CARD8: variants seen among roughly 807,000 people sequenced by gnomAD.
The protein encoded by CARD8 is caspase recruitment domain-containing protein 8.
Under a neutral mutation model 53.2 loss-of-function variants are expected in CARD8, and 38 were observed. The observed-to-expected ratio is 0.71, with a 90% CI of 0.55 to 0.94. The LOEUF (loss-of-function observed/expected upper bound fraction) is 0.94. CARD8 is among the 40% of genes least tolerant of loss of function. CARD8 has a pLI of 0.00. For missense variants in CARD8, 561 were observed against 655.5 expected (o/e 0.86, Z 1.57); for synonymous variants, 245 against 244.9 (o/e 1.00, Z 0.00).
chr19:48,232,373 A>AAT, intron 7 of CARD8, 80 bp downstream of exon 7: 1 of 1,324,872 alleles, frequency 7.5e-7, no homozygotes, highest in South Asian at 1.3e-5. Context: ...AAAGACTCTA[A>AAT]ATTGTCTTCT....
intron 10 of CARD8, among the ~76,000 whole-genome samples, chr19:48,225,865 C>T (rs910415239): frequency 2.6e-5 from 4 of 152,128 alleles, no homozygotes; most frequent in Admixed American, 1.3e-4. Context: ...CCAGCCTGAC[C>T]AATATGGTGA....
At chr19:48,246,856 T>A (rs1341005246) in intron 3 of CARD8, among the ~76,000 whole-genome samples, 1 of 152,084 alleles carries the variant, frequency 6.6e-6, no homozygotes, top group African/African-American at 2.4e-5. Flanking sequence ...CTGATGGGAG[T>A]GTCACCTGCT....
rs71334279 is a variant in CARD8, at chr19:48,252,808, TACAC to T, written c.-251-2965_-251-2962del. On this transcript the variant is annotated intron_variant, in intron 1 of 13. Transcript: ENST00000651546. ...CCACCGCACTGGCCTTATCAGTATA[TACAC>T]ACACACACACACACACACACACACA... Among the ~76,000 whole-genome samples, 1,206 of 148,288 alleles carry T rather than the reference TACAC, an allele frequency of 8.1e-3. 11 individuals are homozygous for T. The highest frequency in any genetic ancestry group is 0.014 in the Middle Eastern group (4 of 290).
intron 1 of CARD8, among the ~76,000 whole-genome samples, chr19:48,253,242 T>C (rs1270317177): frequency 6.6e-6 from 1 of 152,090 alleles, no homozygotes; most frequent in Non-Finnish European, 1.5e-5. Flanking sequence ...TGCATCACCA[T>C]GCCTGGCTAA....
chr19:48,221,473 G>A (rs903524574), intron 11 of CARD8, among the ~76,000 whole-genome samples: 1 of 152,124 alleles, frequency 6.6e-6, no homozygotes, highest in African/African-American at 2.4e-5. Context: ...ACAGGGAAAT[G>A]GAAATTTCAG....
intron 3 of CARD8, among the ~76,000 whole-genome samples, chr19:48,244,087 T>C (rs1027856012): frequency 1.3e-5 from 2 of 151,860 alleles, no homozygotes; most frequent in Admixed American, 1.3e-4. Context: ...TTACACAGAA[T>C]TTATGTAAAT....
intron 10 of CARD8, among the ~76,000 whole-genome samples, chr19:48,229,756 G>A (rs905726399): frequency 6.6e-6 from 1 of 152,196 alleles, no homozygotes; most frequent in Non-Finnish European, 1.5e-5. Flanking sequence ...TACTGAACAG[G>A]AGGAGGGTTA....
intron 7 of CARD8, chr19:48,232,225 G>A: frequency 1.7e-6 from 1 of 600,388 alleles, no homozygotes; most frequent in South Asian, 2.0e-5. Context: ...AGGCCCTGCT[G>A]CTGTCCCCAG....
At chr19:48,240,919 G>C (rs948256935) in intron 4 of CARD8, 43 bp downstream of exon 4, 3 of 1,449,284 alleles carry the variant, frequency 2.1e-6, no homozygotes, top group Non-Finnish European at 2.8e-6. Context: ...AAACACAGAA[G>C]AATCAGCCAT....
chr19:48,213,735 T>C (rs965312824), intron 13 of CARD8, among the ~76,000 whole-genome samples: 1 of 152,226 alleles, frequency 6.6e-6, no homozygotes, highest in African/African-American at 2.4e-5. Context: ...TCCAGTGTCC[T>C]TAACAGATCC....
chr19:48,219,068 C>T (rs1396123705), intron 11 of CARD8, 56 bp from the exon 12 acceptor site: 1 of 1,567,452 alleles, frequency 6.4e-7, no homozygotes, highest in East Asian at 2.2e-5. Context: ...GGCCCGGCTC[C>T]CTACAGTGAA....
rs749192381 is a variant in CARD8, at chr19:48,231,652, A to G, written c.542+8T>C. The G allele has an allele frequency of 3.8e-6, 6 of 1,585,312 alleles. No individual in the cohort carries two copies. The Admixed American group carries it at 7.1e-5, about 19-fold the overall frequency. ...GGTTTTCAAATCATCAGCATCTTCC[A>G]TTCTTACCTGTATCTGTTTGTGCTC... On this transcript the variant is annotated splice_region_variant and intron_variant, in intron 8 of 13. Transcript: ENST00000651546.
At chr19:48,244,733 G>C (rs1334591150) in intron 3 of CARD8, among the ~76,000 whole-genome samples, 1 of 152,130 alleles carries the variant, frequency 6.6e-6, no homozygotes, top group Non-Finnish European at 1.5e-5. Flanking sequence ...TAATAATTAA[G>C]AAAAAGATAT....
At chr19:48,247,632 G>A (rs760449147) in intron 3 of CARD8, among the ~76,000 whole-genome samples, 10 of 151,580 alleles carry the variant, frequency 6.6e-5, no homozygotes, top group Non-Finnish European at 2.9e-5. Context: ...CTGTGTTTGG[G>A]GAGCAGACTA....
intron 3 of CARD8, among the ~76,000 whole-genome samples, chr19:48,249,184 G>A (rs1266854434): frequency 1.3e-4 from 20 of 150,406 alleles, no homozygotes; most frequent in African/African-American, 4.4e-4. Flanking sequence ...ATGACAGAAC[G>A]AGACTCCGTC....
rs141227997 is a variant in CARD8 at position 48,255,152 on chromosome 19, G to A, written c.-252+640C>T. 3.4e-3 allele frequency among the ~76,000 whole-genome samples: 521 copies of A among 152,240 alleles called. 4 individuals carry two copies. The highest frequency in any genetic ancestry group is 0.012 in the African/African-American group (494 of 41,548). ...GGAGGCCAAGGCGGGCTGATCTCGA[G>A]GTCAAGAGACGGAGACCATCCTGGC... On this transcript the variant is annotated intron_variant, in intron 1 of 13. Coordinates refer to ENST00000651546, the MANE Select transcript of CARD8 (RefSeq NM_001184900.3).
rs1001758156 is a variant in CARD8, at chr19:48,209,906, T to C, written c.*1804A>G. Reference sequence around the variant, plus strand: ...TTCTGGGCATATAAGCTATTGGAACTTGTCATCACTTAAACTATTTCCTAT... The same window carrying C: ...TTCTGGGCATATAAGCTATTGGAACCTGTCATCACTTAAACTATTTCCTAT... On this transcript the variant is annotated 3_prime_UTR_variant, in exon 14 of 14. Coordinates refer to ENST00000651546, the MANE Select transcript of CARD8 (RefSeq NM_001184900.3). The C allele has an allele frequency of 9.2e-5, 14 of 152,288 alleles. No individual in the cohort carries two copies. The highest frequency in any genetic ancestry group is 7.2e-4 in the Admixed American group (11 of 15,280). 9.4% of individuals were successfully genotyped at this position (152,288 alleles called of 1,614,324 possible). A position where few individuals can be genotyped will look rare whatever the true frequency, so the allele number is the denominator to read the frequency against.
rs369720939 is a variant in CARD8, at chr19:48,247,160, C to T, written c.-44+2363G>A. 3.9e-4 allele frequency among the ~76,000 whole-genome samples: 59 copies of T among 152,152 alleles called. 3 individuals are homozygous for T. The highest frequency in any genetic ancestry group is 2.7e-3 in the East Asian group (14 of 5,184). Reference sequence around the variant, plus strand: ...CCAACAAGGTGAAACCCCGTCTCTACGAAAAATACAAAAATTACCTGGGTG... The same window carrying T: ...CCAACAAGGTGAAACCCCGTCTCTATGAAAAATACAAAAATTACCTGGGTG... On this transcript the variant is annotated intron_variant, in intron 3 of 13. Transcript: ENST00000651546.
At chr19:48,207,298 GT>G, downstream of CARD8, among the ~76,000 whole-genome samples, 1 of 151,628 alleles carries the variant, frequency 6.6e-6, no homozygotes, top group East Asian at 1.9e-4. Context: ...ATGGTATTTT[GT>G]TATGGCAACC....
Sources: gnomAD v4.1 joint callset for allele counts (sites outside exome capture counted in the v4.1 genomes callset) on GRCh38, gnomAD v4.1.1 for gene constraint, MANE v1.5 for transcripts, NCBI Gene and HGNC (gene_info 2026-07-23, HGNC 2026-07-21) for gene names.